Variants in CPT2 observed in about 807,000 individuals in gnomAD.
CPT2 encodes carnitine O-palmitoyltransferase 2, mitochondrial.
Under a neutral mutation model 48.6 loss-of-function variants are expected in CPT2, and 37 were observed. The ratio of observed to expected loss-of-function variants is 0.76; its 90% confidence interval spans 0.59 to 1.00. The LOEUF (loss-of-function observed/expected upper bound fraction) is 1.00, where lower values mean the gene tolerates loss of function less well. CPT2 is among the 50% of genes least tolerant of loss of function. The pLI, the probability that CPT2 is intolerant of heterozygous loss-of-function variation, is 0.00. For missense variants in CPT2, 772 were observed against 825.6 expected, an observed-to-expected ratio of 0.94 and a Z score of 0.80; for synonymous variants, 319 against 326.9, an observed-to-expected ratio of 0.98 and a Z score of 0.26.
intron 4 of CPT2, 117 bp from the exon 5 acceptor site, chr1:53,213,147 C>T: frequency 2.1e-6 from 2 of 942,934 alleles, no homozygotes; most frequent in Non-Finnish European, 1.7e-6. Flanking sequence ...AGAGGTAGAG[C>T]CTTCCCCCAC....
chr1:53,213,187 C>T, intron 4 of CPT2, 77 bp from the exon 5 acceptor site: 1 of 1,448,294 alleles, frequency 6.9e-7, no homozygotes, highest in South Asian at 1.2e-5. Flanking sequence ...GGTATTCCTA[C>T]CATGTGGTGA....
chr1:53,200,840 TCAAGACAGGCTGGCAAGTAGTGGTGGAC>T, intron 2 of CPT2, 41 bp downstream of exon 2: 1 of 1,510,832 alleles, frequency 6.6e-7, no homozygotes, highest in Non-Finnish European at 9.2e-7. Context: ...TTGGGGTGGT[TCAAGACAGGCTGGCAAGTAGTGGTGGAC>T]CAAGCTTCAG....
chr1:53,212,191 A>G (rs1645433414), intron 4 of CPT2, among the ~76,000 whole-genome samples: 1 of 151,814 alleles, frequency 6.6e-6, no homozygotes, highest in Admixed American at 6.6e-5. Flanking sequence ...CAGCCTCCTG[A>G]GTAGTTGGGA....
Position 53,211,159 on chromosome 1 carries a change from G to A in CPT2, c.1485G>A (p.Lys495=). Residue 495 remains lysine, a synonymous_variant, in exon 4 of 5, where the codon AAG becomes AAA. Transcript: ENST00000371486. ...TYESCSTAAF[K]HGRTETIRPA... The stretch of plus-strand genomic sequence containing the variant: ...AGTCCTGTAGCACTGCCGCATTCAA[G>A]CACGGCCGCACTGAGACCATCCGCC... 2 of 1,611,650 alleles carry A rather than the reference G, an allele frequency of 1.2e-6. No homozygotes were observed. Among genetic ancestry groups the A allele is most frequent in the Non-Finnish European group, 1.7e-6 (2 of 1,178,242 alleles).
chr1:53,206,183 A>C (rs1190599023), intron 3 of CPT2, among the ~76,000 whole-genome samples: 1 of 124,288 alleles, frequency 8.0e-6, no homozygotes, highest in East Asian at 2.3e-4. Context: ...ACTCCATTTC[A>C]AAAAAAAAAA....
intron 3 of CPT2, 176 bp from the exon 4 acceptor site, chr1:53,209,839 G>T (rs1215220522): frequency 9.5e-6 from 6 of 633,352 alleles, no homozygotes; most frequent in African/African-American, 1.8e-5. Context: ...ACCATATATT[G>T]TATGACCCCA....
Position 53,213,867 on chromosome 1 carries a change from AG to A in CPT2, c.*273del, listed in dbSNP as rs1645448494. ...CTTGAACCCAGGAGGTGGAGGTTGC[AG>A]TGAGCTGAGATCACACCACTGCACT... On this transcript the variant is annotated 3_prime_UTR_variant, in exon 5 of 5. Coordinates refer to ENST00000371486, the MANE Select transcript of CPT2 (RefSeq NM_000098.3). The A allele has an allele frequency of 2.4e-6, 1 of 421,856 alleles. No homozygotes were observed. The highest frequency in any genetic ancestry group is 2.0e-5 in the African/African-American group (1 of 49,332). The allele number at this position is 421,856 out of a possible 1,614,324, so 26.1% of individuals were successfully genotyped here.
intron 3 of CPT2, among the ~76,000 whole-genome samples, chr1:53,205,340 G>A (rs746969535): frequency 6.6e-6 from 1 of 152,108 alleles, no homozygotes; most frequent in Non-Finnish European, 1.5e-5. Flanking sequence ...CTTGAGAGGG[G>A]TGATTTAGGG....
chr1:53,210,115 C>T lies in CPT2; in HGVS notation c.441C>T (p.Asp147=), dbSNP rs2100271790. The change falls in exon 4 of 5, where the codon GAC becomes GAT. Residue 147 remains aspartate (D), a synonymous_variant. Transcript: ENST00000371486. ...CTGACCCAAAATCTGAGTATAATGA[C>T]CAGCTCACCCGGGCAACCAACATGA... The part of the protein sequence containing the change: ...FNPDPKSEYN[D]QLTRATNMTV... The T allele has an allele frequency of 1.2e-6, 2 of 1,614,072 alleles. No homozygotes were observed. Among genetic ancestry groups the T allele is most frequent in the South Asian group, 2.2e-5 (2 of 91,086 alleles).
chr1:53,208,329 C>G (rs1645400566), intron 3 of CPT2: 1 of 152,226 alleles, frequency 6.6e-6, no homozygotes, highest in African/African-American at 2.4e-5. Context: ...ACAGAGAAAT[C>G]TGCATCTATT....
Position 53,213,290 on chromosome 1 carries a change from G to A in CPT2, c.1672G>A (p.Ala558Thr). The change falls in exon 5 of 5, where the codon GCT becomes ACT. Residue 558 changes from alanine to threonine, a missense_variant. Coordinates refer to ENST00000371486, the MANE Select transcript of CPT2 (RefSeq NM_000098.3). ...MGQGFDRHLF[A>T]LRHLAAAKGI... is the part of the protein sequence containing the mutation. ...CCAGGGCTTTGACCGACACTTGTTT[G>A]CTCTGCGGCATCTGGCAGCAGCCAA... is the stretch of plus-strand genomic sequence containing the variant. 2 of 1,614,206 alleles carry A rather than the reference G, an allele frequency of 1.2e-6. No individual in the cohort carries two copies. The highest frequency in any genetic ancestry group is 1.1e-5 in the South Asian group (1 of 91,078).
Position 53,196,894 on chromosome 1 carries a change from T to C in CPT2, c.-50T>C. 1 of 1,529,864 alleles carries C rather than the reference T, an allele frequency of 6.5e-7. No individual in the cohort carries two copies. The highest frequency in any genetic ancestry group is 2.5e-5 in the East Asian group (1 of 39,760). 94.8% of individuals were successfully genotyped at this position (1,529,864 alleles called of 1,614,324 possible). On this transcript the variant is annotated 5_prime_UTR_variant, in exon 1 of 5. Transcript: ENST00000371486. ...GGCGGCGGCGGCCTTGTGTTTAGAC[T>C]CCAGAACTCCCCACTTGCCGCGTTC...
intron 2 of CPT2, chr1:53,201,232 T>C (rs1645353209): frequency 7.7e-6 from 2 of 260,498 alleles, no homozygotes; most frequent in Admixed American, 4.8e-5. Context: ...TAGTATATGA[T>C]CTTATTTGGA....
chr1:53,197,808 C>G (rs777991086), intron 1 of CPT2, among the ~76,000 whole-genome samples: 1 of 152,138 alleles, frequency 6.6e-6, no homozygotes, highest in Non-Finnish European at 1.5e-5. Context: ...ACCCACAGTA[C>G]CCCTTGTAAG....
intron 2 of CPT2, chr1:53,201,894 A>C (rs909732804): frequency 9.1e-6 from 2 of 218,638 alleles, no homozygotes; most frequent in African/African-American, 2.3e-5. Context: ...CTAAATCCTT[A>C]GCTTTATAAA....
In CPT2 at chr1:53,213,974, T is replaced by C. The variant is rs1351857718; in HGVS notation, c.*379T>C. 6 of 253,536 alleles carry C rather than the reference T, an allele frequency of 2.4e-5. No individual in the cohort carries two copies. The highest frequency in any genetic ancestry group is 5.2e-5 in the Admixed American group (1 of 19,310). The allele number at this position is 253,536 out of a possible 1,614,324, so 15.7% of individuals were successfully genotyped here. ...TGGGGCCTGTGTAGCCAGTGGGTGCTATTCTGTGAAACTAATCATAAGCTG... is the reference window on the plus strand; with the variant it reads ...TGGGGCCTGTGTAGCCAGTGGGTGCCATTCTGTGAAACTAATCATAAGCTG... On this transcript the variant is annotated 3_prime_UTR_variant, in exon 5 of 5. Transcript: ENST00000371486.
rs1252840185 is a variant in CPT2, at chr1:53,200,852, G to A, written c.233+53G>A. On this transcript the variant is annotated intron_variant, in intron 2 of 4. Coordinates refer to ENST00000371486, the MANE Select transcript of CPT2 (RefSeq NM_000098.3). ...TAGTTGGGGTGGTTCAAGACAGGCT[G>A]GCAAGTAGTGGTGGACCAAGCTTCA... 7.9e-6 allele frequency: 11 copies of A among 1,390,138 alleles called. No homozygotes were observed. In the East Asian group the frequency reaches 2.3e-4, roughly 29 times the overall value. 86.1% of individuals were successfully genotyped at this position (1,390,138 alleles called of 1,614,324 possible).
intron 3 of CPT2, chr1:53,203,351 A>G (rs577136159): frequency 1.2e-4 from 18 of 152,336 alleles, no homozygotes; most frequent in African/African-American, 4.3e-4. Flanking sequence ...TGGGTAACTC[A>G]GTATCTAGTT....
rs1283277240 is a variant in CPT2 at position 53,210,128 on chromosome 1, G to T, written c.454G>T (p.Ala152Ser). Reference sequence around the variant, plus strand: ...TGAGTATAATGACCAGCTCACCCGGGCAACCAACATGACTGTTTCTGCCAT... The same window carrying T: ...TGAGTATAATGACCAGCTCACCCGGTCAACCAACATGACTGTTTCTGCCAT... ...KSEYNDQLTR[A>S]TNMTVSAIRF... The change falls in exon 4 of 5, where the codon GCA becomes TCA. Residue 152 changes from alanine to serine, a missense_variant. Physicochemically the swap from Ala to Ser is moderately conservative, Grantham distance 99 (BLOSUM62 1). Transcript: ENST00000371486. The T allele has an allele frequency of 1.2e-6, 2 of 1,613,976 alleles. No individual in the cohort carries two copies. Among genetic ancestry groups the T allele is most frequent in the Non-Finnish European group, 1.7e-6 (2 of 1,180,034 alleles).
Sources: allele counts gnomAD v4.1 joint callset (sites outside exome capture counted in the v4.1 genomes callset), GRCh38; gene constraint gnomAD v4.1.1; transcripts MANE v1.5; gene names NCBI Gene and HGNC (gene_info 2026-07-23, HGNC 2026-07-21).